The following HPSE2 variants were observed in gnomAD, a reference collection of about 807,000 sequenced individuals.
HPSE2 encodes the protein inactive heparanase-2.
In HPSE2, 38 loss-of-function variants were observed where a neutral mutation model predicts 60.5. The ratio of observed to expected loss-of-function variants is 0.63; its 90% CI spans 0.48 to 0.82. The LOEUF (loss-of-function observed/expected upper bound fraction) is 0.82. Among genes scored for constraint, HPSE2 ranks in the 40% least tolerant of loss-of-function variants. The probability of loss-of-function intolerance (pLI) is 0.00; values close to 1 mark genes in which losing one functional copy is unlikely to be tolerated. For missense variants in HPSE2, 713 were observed against 740.4 expected, an observed-to-expected ratio of 0.96 and a Z score of 0.43; for synonymous variants, 295 against 293.2, an observed-to-expected ratio of 1.01 and a Z score of -0.06.
At chr10:99,163,292 T>A (rs1286556130) in intron 2 of HPSE2, among the ~76,000 whole-genome samples, 1 of 152,096 alleles carries the variant, frequency 6.6e-6, no homozygotes, top group Admixed American at 6.6e-5. Context: ...CCCATCCACA[T>A]CCATGCACCC....
At chr10:98,614,088 T>C (rs1353232012) in intron 9 of HPSE2, among the ~76,000 whole-genome samples, 2 of 152,180 alleles carry the variant, frequency 1.3e-5, no homozygotes, top group African/African-American at 4.8e-5. Context: ...TAACTGTAAT[T>C]GCACTTCAGC....
chr10:98,471,208 G>A (rs1022428029), intron 11 of HPSE2, among the ~76,000 whole-genome samples: 9 of 152,182 alleles, frequency 5.9e-5, no homozygotes, highest in Non-Finnish European at 1.3e-4. Context: ...CTGGGATCTT[G>A]TTCTAGAAGT....
chr10:99,205,642 A>T (rs986162572), intron 2 of HPSE2, among the ~76,000 whole-genome samples: 1 of 152,206 alleles, frequency 6.6e-6, no homozygotes, highest in African/African-American at 2.4e-5. Context: ...AAATATACAT[A>T]TATATCAAAA....
rs149970188 is a variant in HPSE2 at position 98,489,615 on chromosome 10, G to A, written c.1466+436C>T. ...TTGGTCTAGGGCTAGGTTTCTAGCG[G>A]CATATCTCTCCAGCATGCATCTTAG... On this transcript the variant is annotated intron_variant, in intron 10 of 11. Coordinates refer to ENST00000370552, the MANE Select transcript of HPSE2 (RefSeq NM_021828.5). Among the ~76,000 whole-genome samples, 5 of 152,296 alleles carry A rather than the reference G, an allele frequency of 3.3e-5. No individual in the cohort carries two copies. In the East Asian group the frequency reaches 9.7e-4, roughly 29 times the overall value.
At chr10:99,078,090 C>T (rs950523865) in intron 3 of HPSE2, among the ~76,000 whole-genome samples, 2 of 152,152 alleles carry the variant, frequency 1.3e-5, no homozygotes, top group Admixed American at 6.6e-5. Context: ...ATGGAAAATT[C>T]CTGAGGCTCT....
At position 98,459,513 on chromosome 10, in the gene HPSE2, TGGAGTGGA is replaced by T; in HGVS notation, c.*53_*60del. ...GATGTCTGAAAACAGAGGATACTACTGGAGTGGAGGAGTGGAAGCAGCCCAGCAGGCCC... is the reference window on the plus strand; with the variant it reads ...GATGTCTGAAAACAGAGGATACTACTGGAGTGGAAGCAGCCCAGCAGGCCC... On this transcript the variant is annotated 3_prime_UTR_variant, in exon 12 of 12. Coordinates refer to ENST00000370552, the MANE Select transcript of HPSE2 (RefSeq NM_021828.5). 6.5e-7 allele frequency: 1 copy of T among 1,547,582 alleles called. No homozygotes were observed. Among genetic ancestry groups the T allele is most frequent in the Non-Finnish European group, 8.9e-7 (1 of 1,120,158 alleles).
chr10:99,036,002 G>A (rs544729180), intron 3 of HPSE2, among the ~76,000 whole-genome samples: 2 of 152,200 alleles, frequency 1.3e-5, no homozygotes, highest in African/African-American at 2.4e-5. Context: ...CTTGAAGCCA[G>A]GAGCTCAAGA....
intron 9 of HPSE2, among the ~76,000 whole-genome samples, chr10:98,527,372 C>A (rs770217435): frequency 2.0e-5 from 3 of 152,178 alleles, no homozygotes; most frequent in Non-Finnish European, 4.4e-5. Flanking sequence ...GCATGATCTG[C>A]CCCTGCTCAG....
chr10:99,273,286 G>A, the HPSE2 span, among the ~76,000 whole-genome samples: 2 of 152,136 alleles, frequency 1.3e-5, no homozygotes, highest in African/African-American at 4.8e-5. Flanking sequence ...AGGGGCATGA[G>A]GGATAAAAGA....
At chr10:98,792,093 A>G (rs1257541218) in intron 3 of HPSE2, among the ~76,000 whole-genome samples, 1 of 152,184 alleles carries the variant, frequency 6.6e-6, no homozygotes, top group Non-Finnish European at 1.5e-5. Flanking sequence ...GAGCTAAACC[A>G]AAAATAATTT....
At chr10:98,960,718 TTTG>T (rs1564692681) in intron 3 of HPSE2, among the ~76,000 whole-genome samples, 60 of 44,764 alleles carry the variant, frequency 1.3e-3, no homozygotes, top group Non-Finnish European at 2.3e-3. Context: ...TTTTTTTTTT[TTTG>T]TTTTATTTTT....
At chr10:98,756,528 CAG>C (rs1429141016) in intron 3 of HPSE2, among the ~76,000 whole-genome samples, 3 of 152,016 alleles carry the variant, frequency 2.0e-5, no homozygotes, top group African/African-American at 4.8e-5. Flanking sequence ...AAAAAACCCT[CAG>C]AGACTGTTAT....
At chr10:98,960,728 TTTTTTTATTTTA>T (rs1164733189) in intron 3 of HPSE2, among the ~76,000 whole-genome samples, 2 of 17,590 alleles carry the variant, frequency 1.1e-4, no homozygotes, top group African/African-American at 3.8e-4. Flanking sequence ...TTTGTTTTAT[TTTTTTTATTTTA>T]TTTTTTTTTT....
chr10:98,898,031 C>T (rs773523477), intron 3 of HPSE2, among the ~76,000 whole-genome samples: 1 of 151,952 alleles, frequency 6.6e-6, no homozygotes, highest in East Asian at 1.9e-4. Flanking sequence ...AAAACGTAAG[C>T]AAAAGATATG....
intron 3 of HPSE2, among the ~76,000 whole-genome samples, chr10:98,776,207 T>C (rs1589807562): frequency 6.7e-6 from 1 of 149,952 alleles, no homozygotes; most frequent in African/African-American, 2.5e-5. Flanking sequence ...CTGAGGCAGG[T>C]GGATCACTTG....
chr10:98,459,780 A>G (rs2136414381), intron 11 of HPSE2, 41 bp from the exon 12 acceptor site: 1 of 1,577,644 alleles, frequency 6.3e-7, no homozygotes, highest in Non-Finnish European at 8.6e-7. Context: ...TTATTGCATT[A>G]TAAGGGAGCC....
At chr10:98,663,636 C>T (rs749280567) in intron 6 of HPSE2, among the ~76,000 whole-genome samples, 9 of 152,232 alleles carry the variant, frequency 5.9e-5, no homozygotes, top group Non-Finnish European at 8.8e-5. Flanking sequence ...AGAATGAGAA[C>T]GTAACAACCA....
chr10:99,055,000 C>T (rs748187485), intron 3 of HPSE2, among the ~76,000 whole-genome samples: 13 of 152,146 alleles, frequency 8.5e-5, no homozygotes, highest in Admixed American at 3.9e-4. Context: ...GTGTGAGCCA[C>T]TGTGCCCGGC....
chr10:99,005,728 G>A (rs1956876307), intron 3 of HPSE2, among the ~76,000 whole-genome samples: 1 of 152,102 alleles, frequency 6.6e-6, no homozygotes. Flanking sequence ...GGTTTGTCAT[G>A]TTTCCTCTTA....
Sources: gnomAD v4.1 joint callset for allele counts (sites outside exome capture counted in the v4.1 genomes callset) on GRCh38, gnomAD v4.1.1 for gene constraint, MANE v1.5 for transcripts, NCBI Gene and HGNC (gene_info 2026-07-23, HGNC 2026-07-21) for gene names.